Variants in MARCHF1 observed in about 807,000 individuals in gnomAD.
MARCHF1 encodes the protein membrane associated ring-CH-type finger 1, also known as E3 ubiquitin-protein ligase MARCHF1.
MARCHF1 carries 40 observed loss-of-function variants against 54.2 expected under a neutral mutation model. The observed-to-expected ratio is 0.74, with a 90% CI of 0.57 to 0.96. MARCHF1 has a LOEUF of 0.96. Ranked by LOEUF, MARCHF1 falls within the 40% of genes least tolerant of loss-of-function variation. The pLI is 0.00. For synonymous variants in MARCHF1, 236 were observed against 236.3 expected, an observed-to-expected ratio of 1.00 and a Z score of 0.01; for missense variants, 586 against 656.5, an observed-to-expected ratio of 0.89 and a Z score of 1.17.
At chr4:163,656,140 TAATAA>T (rs1743132091) in intron 5 of MARCHF1, among the ~76,000 whole-genome samples, 2 of 135,176 alleles carry the variant, frequency 1.5e-5, no homozygotes, top group Non-Finnish European at 3.2e-5. Context: ...TTGAAAAAAA[TAATAA>T]AATAGACCAC....
intron 2 of MARCHF1, among the ~76,000 whole-genome samples, chr4:164,101,048 T>C (rs924121567): frequency 2.6e-5 from 4 of 152,202 alleles, no homozygotes; most frequent in Non-Finnish European, 5.9e-5. Context: ...TACTGCGCTT[T>C]TCCAATAGGC....
chr4:163,600,570 G>C (rs1288077689), intron 7 of MARCHF1, among the ~76,000 whole-genome samples: 1 of 152,026 alleles, frequency 6.6e-6, no homozygotes, highest in Non-Finnish European at 1.5e-5. Flanking sequence ...AGTCTATATG[G>C]CTTCTATTTC....
intron 1 of MARCHF1, among the ~76,000 whole-genome samples, chr4:164,323,850 C>T (rs1157668052): frequency 6.6e-6 from 1 of 151,602 alleles, no homozygotes; most frequent in East Asian, 1.9e-4. Flanking sequence ...TGATGAAAGA[C>T]ATACTATTTG....
At chr4:164,199,370 G>A (rs72987739) in intron 1 of MARCHF1, among the ~76,000 whole-genome samples, 1,736 of 152,148 alleles carry the variant, frequency 0.011, 35 homozygotes, top group African/African-American at 0.04. Context: ...CACCAGGCAG[G>A]GTGGCTCACG....
At chr4:164,076,936 G>A (rs1406316438) in intron 2 of MARCHF1, among the ~76,000 whole-genome samples, 2 of 152,138 alleles carry the variant, frequency 1.3e-5, no homozygotes, top group Non-Finnish European at 1.5e-5. Context: ...AATCAGTATC[G>A]TGAAAATGGC....
chr4:164,193,101 AG>A (rs1731163477), intron 1 of MARCHF1, among the ~76,000 whole-genome samples: 1 of 152,136 alleles, frequency 6.6e-6, no homozygotes, highest in South Asian at 2.1e-4. Flanking sequence ...GTTACCTCTT[AG>A]GCAGCTTATT....
chr4:164,191,623 G>C (rs183395432), intron 1 of MARCHF1, among the ~76,000 whole-genome samples: 162 of 152,182 alleles, frequency 1.1e-3, no homozygotes, highest in African/African-American at 3.8e-3. Context: ...GTTTGTACAG[G>C]GAAATGTAAT....
chr4:163,719,340 TCCCTACAAAGG>T (rs1190301129), intron 4 of MARCHF1, among the ~76,000 whole-genome samples: 3 of 152,174 alleles, frequency 2.0e-5, no homozygotes, highest in Non-Finnish European at 4.4e-5. Flanking sequence ...TTCATCCATG[TCCCTACAAAGG>T]ACATGAACTC....
At chr4:163,942,350 G>A (rs4691942) in intron 3 of MARCHF1, among the ~76,000 whole-genome samples, 125,436 of 152,084 alleles carry the variant, frequency 0.82, 52,080 homozygotes, top group East Asian at 0.93. Flanking sequence ...CTGGGTAAGA[G>A]CACAGATATT....
At chr4:164,245,430 G>C (rs1330505294) in intron 1 of MARCHF1, among the ~76,000 whole-genome samples, 2 of 152,150 alleles carry the variant, frequency 1.3e-5, no homozygotes, top group African/African-American at 4.8e-5. Context: ...CAATAAATTA[G>C]GTATTGATGG....
chr4:164,268,881 C>T (rs895551137), intron 1 of MARCHF1, among the ~76,000 whole-genome samples: 6 of 152,204 alleles, frequency 3.9e-5, no homozygotes, highest in South Asian at 2.1e-4. Flanking sequence ...AGCAACTTAA[C>T]GGAAGGAGCT....
At chr4:163,911,277 A>T (rs973026842) in intron 3 of MARCHF1, among the ~76,000 whole-genome samples, 2 of 152,178 alleles carry the variant, frequency 1.3e-5, no homozygotes, top group African/African-American at 4.8e-5. Flanking sequence ...GAAACTGCAC[A>T]TACATGGTAT....
At chr4:164,025,197 T>G (rs936404456) in intron 2 of MARCHF1, among the ~76,000 whole-genome samples, 3 of 152,032 alleles carry the variant, frequency 2.0e-5, no homozygotes, top group African/African-American at 7.2e-5. Context: ...GGCAGAAAAC[T>G]AACAAAAAAA....
chr4:163,656,771 A>T (rs373465424), intron 5 of MARCHF1, among the ~76,000 whole-genome samples: 2 of 152,214 alleles, frequency 1.3e-5, no homozygotes, highest in South Asian at 4.1e-4. Context: ...CAATAAATGT[A>T]ATTCATCACA....
At chr4:163,587,837 G>T (rs6536737) in intron 7 of MARCHF1, among the ~76,000 whole-genome samples, 3 of 151,016 alleles carry the variant, frequency 2.0e-5, no homozygotes, top group African/African-American at 7.4e-5. Context: ...CTACATAATT[G>T]CTTTTTTTGA....
At chr4:163,728,913 G>C (rs1745747108) in intron 4 of MARCHF1, among the ~76,000 whole-genome samples, 1 of 152,156 alleles carries the variant, frequency 6.6e-6, no homozygotes, top group South Asian at 2.1e-4. Context: ...TCACCATTAA[G>C]TATGAGGTTA....
chr4:164,294,519 A>G (rs1012926991), intron 1 of MARCHF1, among the ~76,000 whole-genome samples: 6 of 152,172 alleles, frequency 3.9e-5, no homozygotes, highest in Admixed American at 3.9e-4. Context: ...CATGCTGCAA[A>G]AAACAACTGC....
At chr4:163,596,538 A>T in intron 7 of MARCHF1, among the ~76,000 whole-genome samples, 1 of 24,630 alleles carries the variant, frequency 4.1e-5, no homozygotes. Context: ...AGGCTGTCTC[A>T]AAAAAAAAAA....
At chr4:164,129,411 T>C (rs1289979635) in intron 1 of MARCHF1, among the ~76,000 whole-genome samples, 1 of 152,214 alleles carries the variant, frequency 6.6e-6, no homozygotes. Context: ...ATTTTATTAA[T>C]GTAAATTTGT....
Sources: allele counts gnomAD v4.1 joint callset (sites outside exome capture counted in the v4.1 genomes callset), GRCh38; gene constraint gnomAD v4.1.1; transcripts MANE v1.5; gene names NCBI Gene and HGNC (gene_info 2026-07-23, HGNC 2026-07-21).